Variants in ELAPOR1 observed in about 807,000 individuals in gnomAD.
ELAPOR1 encodes endosome-lysosome associated apoptosis and autophagy regulator 1, also known as endosome/lysosome-associated apoptosis and autophagy regulator 1.
In ELAPOR1, 77 loss-of-function variants were observed where a neutral mutation model predicts 119.7. The observed-to-expected ratio is 0.64, with a 90% CI of 0.54 to 0.78. ELAPOR1 has a LOEUF of 0.78. Among genes scored for constraint, ELAPOR1 ranks in the 30% least tolerant of loss-of-function variants. The pLI is 0.00. For synonymous variants in ELAPOR1, 481 were observed against 487.2 expected, an observed-to-expected ratio of 0.99 and a Z score of 0.17; for missense variants, 1,115 against 1,270.4, an observed-to-expected ratio of 0.88 and a Z score of 1.86.
chr1:109,202,517 C>T (rs1654240784), intron 21 of ELAPOR1, among the ~76,000 whole-genome samples: 1 of 151,904 alleles, frequency 6.6e-6, no homozygotes, highest in Non-Finnish European at 1.5e-5. Context: ...TCTTGGCTTA[C>T]TGCAACCTCT....
At chr1:109,196,311 A>G (rs1653789878) in intron 15 of ELAPOR1, among the ~76,000 whole-genome samples, 1 of 152,230 alleles carries the variant, frequency 6.6e-6, no homozygotes, top group African/African-American at 2.4e-5. Flanking sequence ...AAATAAACTA[A>G]TCTATGAAAG....
At chr1:109,126,243 A>T (rs953515603) in intron 1 of ELAPOR1, among the ~76,000 whole-genome samples, 8 of 152,184 alleles carry the variant, frequency 5.3e-5, no homozygotes, top group African/African-American at 1.9e-4. Flanking sequence ...GGGCAGGCAA[A>T]GATAAGGGAC....
intron 1 of ELAPOR1, among the ~76,000 whole-genome samples, chr1:109,125,278 C>G (rs1570603528): frequency 6.6e-6 from 1 of 151,798 alleles, no homozygotes; most frequent in Admixed American, 6.6e-5. Context: ...TATATGTTGG[C>G]CAGGCTGGTC....
At chr1:109,119,870 T>C (rs933925299) in intron 1 of ELAPOR1, among the ~76,000 whole-genome samples, 1 of 152,200 alleles carries the variant, frequency 6.6e-6, no homozygotes, top group South Asian at 2.1e-4. Flanking sequence ...TGTGTATAGA[T>C]TCATCTTTAC....
At chr1:109,127,218 T>C (rs1648838150) in intron 1 of ELAPOR1, among the ~76,000 whole-genome samples, 1 of 148,520 alleles carries the variant, frequency 6.7e-6, no homozygotes, top group African/African-American at 2.5e-5. Context: ...TTCTTTTCTT[T>C]TTTTTTTTTT....
chr1:109,164,018 C>T (rs778488265), intron 2 of ELAPOR1, among the ~76,000 whole-genome samples: 4 of 152,106 alleles, frequency 2.6e-5, no homozygotes, highest in African/African-American at 4.8e-5. Context: ...GCAGAGCATC[C>T]GTGGCCCTAG....
At chr1:109,189,925 A>C (rs1407324807) in intron 11 of ELAPOR1, among the ~76,000 whole-genome samples, 1 of 152,088 alleles carries the variant, frequency 6.6e-6, no homozygotes, top group East Asian at 1.9e-4. Context: ...GCCATTAGTC[A>C]CGTGCTATTC....
chr1:109,162,860 T>C (rs560643240), intron 2 of ELAPOR1, among the ~76,000 whole-genome samples: 1 of 152,240 alleles, frequency 6.6e-6, no homozygotes, highest in African/African-American at 2.4e-5. Context: ...CTTCAGTGAG[T>C]CCCACTATGT....
intron 1 of ELAPOR1, among the ~76,000 whole-genome samples, chr1:109,160,810 G>A (rs1424053721): frequency 6.6e-6 from 1 of 152,160 alleles, no homozygotes; most frequent in Non-Finnish European, 1.5e-5. Flanking sequence ...ATGGTCTGTT[G>A]TTTATTACCA....
At position 109,164,622 on chromosome 1, in the gene ELAPOR1, G is replaced by C. The variant is rs777222676; in HGVS notation, c.398G>C (p.Gly133Ala). The C allele has an allele frequency of 3.7e-6, 6 of 1,614,252 alleles. No individual in the cohort carries two copies. The South Asian group carries it at 6.6e-5, about 18-fold the overall frequency. ...GATGAGTGGGATGAGCTGCCCCATG[G>C]CTTTGCCAGCCTCTCAGCCAACATG... ...RFDEWDELPHGFASLSANMEL... is the reference protein window; with the variant it reads ...RFDEWDELPHAFASLSANMEL... Residue 133 changes from glycine (G) to alanine (A), a missense_variant, in exon 3 of 22, where the codon GGC becomes GCC. Coordinates refer to ENST00000369939, the MANE Select transcript of ELAPOR1 (RefSeq NM_020775.5).
chr1:109,164,234 TCTA>T (rs1182474076), intron 2 of ELAPOR1, among the ~76,000 whole-genome samples: 2 of 152,036 alleles, frequency 1.3e-5, no homozygotes, highest in Non-Finnish European at 2.9e-5. Context: ...CAACCACAAA[TCTA>T]CTTTCTGTCT....
intron 1 of ELAPOR1, among the ~76,000 whole-genome samples, chr1:109,151,288 C>T (rs767609298): frequency 3.8e-4 from 57 of 151,838 alleles, no homozygotes; most frequent in Admixed American, 3.1e-3. Context: ...GCTGGTGCAC[C>T]CAGGCCCTAT....
chr1:109,166,401 C>T (rs1242384712), intron 3 of ELAPOR1, among the ~76,000 whole-genome samples: 2 of 152,202 alleles, frequency 1.3e-5, no homozygotes, highest in African/African-American at 4.8e-5. Flanking sequence ...TGGCTGAAAT[C>T]TTCCAAATGC....
chr1:109,175,826 CAAAAAAAAAAAAA>C (rs55824923), intron 7 of ELAPOR1, among the ~76,000 whole-genome samples: 2 of 88,434 alleles, frequency 2.3e-5, no homozygotes, highest in African/African-American at 4.6e-5. Flanking sequence ...GACTCAGTCT[CAAAAAAAAAAAAA>C]AAAAAAAAAA....
chr1:109,188,195 T>C lies in ELAPOR1; in HGVS notation c.1060T>C (p.Trp354Arg), dbSNP rs1259210948. 3 of 1,611,014 alleles carry C rather than the reference T, an allele frequency of 1.9e-6. No homozygotes were observed. The highest frequency in any genetic ancestry group is 2.7e-5 in the African/African-American group (2 of 74,880). ...TCTGCAGACACAACTCATGTACAAA[T>C]GGGCCAAGCCGAAAATCTGTAGCGA... ...ANGETQLMYK[W>R]AKPKICSEDL... Residue 354 changes from tryptophan to arginine, a missense_variant, in exon 9 of 22, where the codon TGG becomes CGG. Trp to Arg is a moderately radical substitution (Grantham distance 101). Coordinates refer to ENST00000369939, the MANE Select transcript of ELAPOR1 (RefSeq NM_020775.5).
At chr1:109,198,552 G>T (rs1653968709) in intron 17 of ELAPOR1, 21 bp from the exon 18 acceptor site, 2 of 1,603,252 alleles carry the variant, frequency 1.2e-6, no homozygotes, top group African/African-American at 2.7e-5. Context: ...ATTCCCTCAT[G>T]GGGGCTGGCT....
At chr1:109,145,427 G>A (rs767762364) in intron 1 of ELAPOR1, among the ~76,000 whole-genome samples, 4 of 152,002 alleles carry the variant, frequency 2.6e-5, no homozygotes, top group African/African-American at 9.7e-5. Flanking sequence ...AGGCCGAGAT[G>A]GGCCTATCAC....
In ELAPOR1 at chr1:109,199,982, T is replaced by C. The variant is rs1359448394; in HGVS notation, c.2628+2T>C. On this transcript the variant is annotated splice_donor_variant, in intron 19 of 21. Transcript: ENST00000369939. LOFTEE classifies it high-confidence loss of function. ...AGCAGCTGTGTGGCTGGGATCCAGG[T>C]GGGTTTCCCTCTGATCGGGCACTTC... is the stretch of plus-strand genomic sequence containing the variant. 6.2e-7 allele frequency: 1 copy of C among 1,614,080 alleles called. No homozygotes were observed. Among genetic ancestry groups the C allele is most frequent in the South Asian group, 1.1e-5 (1 of 91,086 alleles).
intron 21 of ELAPOR1, among the ~76,000 whole-genome samples, chr1:109,202,434 A>T (rs1051937818): frequency 1.3e-5 from 2 of 149,686 alleles, no homozygotes; most frequent in Non-Finnish European, 3.0e-5. Flanking sequence ...ACATTTTTTT[A>T]AAAGAAAAAA....
Sources: allele counts gnomAD v4.1 joint callset (sites outside exome capture counted in the v4.1 genomes callset), GRCh38; gene constraint gnomAD v4.1.1; transcripts MANE v1.5; gene names NCBI Gene and HGNC (gene_info 2026-07-23, HGNC 2026-07-21).